Variants in PREX2 observed in about 807,000 individuals in gnomAD.
PREX2 encodes phosphatidylinositol-3,4,5-trisphosphate dependent Rac exchange factor 2.
PREX2 carries 107 observed loss-of-function variants against 203.2 expected under a neutral mutation model. The ratio of observed to expected loss-of-function variants is 0.53; its 90% CI spans 0.45 to 0.62. The LOEUF (loss-of-function observed/expected upper bound fraction) is 0.62, where lower values mean the gene tolerates loss of function less well. Ranked by LOEUF, PREX2 falls within the 20% of genes least tolerant of loss-of-function variation. The pLI, the probability that PREX2 is intolerant of heterozygous loss-of-function variation, is 0.00. For missense variants in PREX2, 1,777 were observed against 1,955.9 expected (o/e 0.91, Z 1.72); for synonymous variants, 672 against 663.6 (o/e 1.01, Z -0.19).
intron 10 of PREX2, among the ~76,000 whole-genome samples, chr8:68,059,057 C>A (rs916503860): frequency 8.5e-5 from 13 of 152,102 alleles, no homozygotes; most frequent in Admixed American, 6.6e-5. Flanking sequence ...ATTTTAACCT[C>A]AATTATTTGA....
intron 8 of PREX2, among the ~76,000 whole-genome samples, chr8:68,052,703 C>G (rs1383569346): frequency 6.6e-6 from 1 of 152,120 alleles, no homozygotes; most frequent in African/African-American, 2.4e-5. Context: ...ACCTAGAATG[C>G]TATTTCAAAG....
intron 1 of PREX2, among the ~76,000 whole-genome samples, chr8:68,006,211 C>T (rs1044264293): frequency 5.3e-5 from 8 of 152,196 alleles, no homozygotes; most frequent in Admixed American, 5.2e-4. Flanking sequence ...GGAGCCTCCT[C>T]TTCCCCAGCA....
intron 1 of PREX2, among the ~76,000 whole-genome samples, chr8:68,002,633 A>C (rs1176955632): frequency 1.3e-5 from 2 of 149,948 alleles, no homozygotes; most frequent in Non-Finnish European, 3.0e-5. Context: ...TGATGCTTAC[A>C]TCATCCAAAT....
intron 6 of PREX2, among the ~76,000 whole-genome samples, chr8:68,037,685 T>A (rs1808072941): frequency 6.6e-6 from 1 of 152,194 alleles, no homozygotes; most frequent in African/African-American, 2.4e-5. Context: ...TTTTTCTCTT[T>A]TTATTTCTTT....
intron 23 of PREX2, among the ~76,000 whole-genome samples, chr8:68,107,503 A>G (rs1810440444): frequency 6.6e-6 from 1 of 152,210 alleles, no homozygotes; most frequent in Non-Finnish European, 1.5e-5. Context: ...TTATTCTCAA[A>G]CCATAAAGGC....
intron 9 of PREX2, among the ~76,000 whole-genome samples, chr8:68,055,079 T>A (rs1407195952): frequency 6.6e-6 from 1 of 152,214 alleles, no homozygotes; most frequent in East Asian, 1.9e-4. Flanking sequence ...TCTTTTAAAA[T>A]CTTCCCCTCT....
intron 37 of PREX2, among the ~76,000 whole-genome samples, chr8:68,211,817 G>A (rs1256148167): frequency 6.6e-6 from 1 of 152,184 alleles, no homozygotes; most frequent in African/African-American, 2.4e-5. Context: ...TGGGGAGTAA[G>A]TAGGATACTG....
At chr8:68,052,806 C>A (rs1407705692) in intron 8 of PREX2, among the ~76,000 whole-genome samples, 3 of 152,090 alleles carry the variant, frequency 2.0e-5, no homozygotes, top group Non-Finnish European at 4.4e-5. Context: ...GAAACTTTGA[C>A]AATATTTTTG....
chr8:68,101,539 CAG>C (rs1177910754), intron 23 of PREX2: 1 of 485,804 alleles, frequency 2.1e-6, no homozygotes, highest in Non-Finnish European at 4.0e-6. Context: ...AGTTGAAGGA[CAG>C]AAGATTCTTT....
intron 6 of PREX2, among the ~76,000 whole-genome samples, chr8:68,033,022 C>A (rs1807931000): frequency 6.6e-6 from 1 of 152,146 alleles, no homozygotes; most frequent in African/African-American, 2.4e-5. Flanking sequence ...CGTGAATTTG[C>A]ATTGTTTCTA....
chr8:68,190,735 C>T (rs1446227144), intron 35 of PREX2, among the ~76,000 whole-genome samples: 3 of 151,888 alleles, frequency 2.0e-5, no homozygotes, highest in East Asian at 1.9e-4. Flanking sequence ...TATGTATACC[C>T]TCTGAATCTA....
intron 1 of PREX2, among the ~76,000 whole-genome samples, chr8:67,996,899 C>G (rs765065922): frequency 1.8e-4 from 27 of 152,026 alleles, no homozygotes; most frequent in Non-Finnish European, 3.1e-4. Flanking sequence ...ATGATATTTC[C>G]TTCTCTGTTG....
At chr8:68,219,459 G>T (rs936930045) in intron 38 of PREX2, among the ~76,000 whole-genome samples, 3 of 151,978 alleles carry the variant, frequency 2.0e-5, no homozygotes, top group African/African-American at 7.2e-5. Flanking sequence ...AAAAGTCATG[G>T]GTTCCTTATA....
intron 9 of PREX2, among the ~76,000 whole-genome samples, chr8:68,054,145 A>G (rs1164490992): frequency 6.6e-6 from 1 of 152,214 alleles, no homozygotes; most frequent in African/African-American, 2.4e-5. Context: ...TGATTGAAAT[A>G]TTCATGGTAC....
chr8:68,087,633 T>A (rs1809733528), intron 18 of PREX2, 91 bp from the exon 19 acceptor site: 1 of 918,238 alleles, frequency 1.1e-6, no homozygotes, highest in Admixed American at 1.7e-5. Context: ...TCAATATGTA[T>A]TTATTGAGAG....
intron 1 of PREX2, among the ~76,000 whole-genome samples, chr8:68,008,006 C>T (rs1368128818): frequency 3.9e-5 from 6 of 152,132 alleles, no homozygotes; most frequent in Admixed American, 1.3e-4. Context: ...GGAAGCTCTG[C>T]CTCAGAGAGG....
chr8:68,229,815 G>A (rs1039447323), intron 39 of PREX2, among the ~76,000 whole-genome samples: 2 of 152,134 alleles, frequency 1.3e-5, no homozygotes, highest in Admixed American at 1.3e-4. Context: ...AGCACTGTCA[G>A]GGAAATAAGA....
At chr8:68,038,087 A>C in intron 6 of PREX2, 72 bp from the exon 7 acceptor site, 1 of 1,474,646 alleles carries the variant, frequency 6.8e-7, no homozygotes, top group Non-Finnish European at 9.3e-7. Flanking sequence ...CCATAATTGT[A>C]AGTCGAAAAA....
intron 1 of PREX2, among the ~76,000 whole-genome samples, chr8:67,983,845 T>G (rs1040280052): frequency 1.3e-5 from 2 of 152,224 alleles, no homozygotes; most frequent in African/African-American, 4.8e-5. Flanking sequence ...TCTTAATCTC[T>G]GTCTCCTTCC....
Sources: gnomAD v4.1 joint callset for allele counts (sites outside exome capture counted in the v4.1 genomes callset) on GRCh38, gnomAD v4.1.1 for gene constraint, MANE v1.5 for transcripts, NCBI Gene and HGNC (gene_info 2026-07-23, HGNC 2026-07-21) for gene names.